ZNF735: variants seen among roughly 807,000 people sequenced by gnomAD.
ZNF735 encodes putative zinc finger protein 735.
Under a neutral mutation model 13.4 loss-of-function variants are expected in ZNF735, and 11 were observed. That is an observed-to-expected ratio of 0.82 (90% CI 0.52 to 1.36). ZNF735 has a LOEUF of 1.36. Ranked by LOEUF, ZNF735 falls within the 40% of genes most tolerant of loss-of-function variation. The pLI is 0.00. For missense variants in ZNF735, 500 were observed against 484.6 expected, an observed-to-expected ratio of 1.03 and a Z score of -0.30; for synonymous variants, 171 against 162.6, an observed-to-expected ratio of 1.05 and a Z score of -0.39.
intron 3 of ZNF735, among the ~76,000 whole-genome samples, chr7:64,217,547 C>T (rs1467487212): frequency 6.6e-6 from 1 of 151,044 alleles, no homozygotes; most frequent in Non-Finnish European, 1.5e-5. Flanking sequence ...TTTTATGTTG[C>T]TATTTTATTT....
At chr7:64,216,645 G>A (rs907745477) in intron 3 of ZNF735, among the ~76,000 whole-genome samples, 5 of 148,094 alleles carry the variant, frequency 3.4e-5, no homozygotes, top group Admixed American at 6.7e-5. Context: ...TCACTCTGTT[G>A]CCCAGACTGT....
chr7:64,213,416 T>G (rs1787383633), intron 2 of ZNF735, among the ~76,000 whole-genome samples, 198 bp downstream of exon 2: 1 of 152,166 alleles, frequency 6.6e-6, no homozygotes, highest in African/African-American at 2.4e-5. Context: ...AGCTTATGTA[T>G]CTTTTGCTCT....
At chr7:64,213,279 T>C in intron 2 of ZNF735, 61 bp downstream of exon 2, 1 of 1,502,148 alleles carries the variant, frequency 6.7e-7, no homozygotes, top group South Asian at 1.3e-5. Context: ...TCTAAGATGA[T>C]TTTGGTAATT....
exon 4 of ZNF735, chr7:64,219,992 A>C: frequency 1.9e-6 from 3 of 1,613,164 alleles, no homozygotes; most frequent in South Asian, 1.1e-5. Context: ...GCCCTCATTT[A>C]CCACAAGAGA....
exon 4 of ZNF735, chr7:64,219,939 C>T (rs780803349): frequency 6.2e-7 from 1 of 1,613,656 alleles, no homozygotes; most frequent in South Asian, 1.1e-5. Context: ...GAGAGAGACC[C>T]TACAAATGTG....
intron 1 of ZNF735, among the ~76,000 whole-genome samples, chr7:64,208,875 A>G (rs968147361): frequency 1.3e-5 from 2 of 152,158 alleles, no homozygotes; most frequent in African/African-American, 4.8e-5. Flanking sequence ...AGCTCCATCG[A>G]TGTTGCTGCA....
intron 3 of ZNF735, among the ~76,000 whole-genome samples, chr7:64,215,688 A>AT (rs570508573): frequency 3.3e-5 from 5 of 150,496 alleles, no homozygotes; most frequent in Middle Eastern, 3.4e-3. Context: ...TGTTTAAAAT[A>AT]TTTTTTGTAT....
intron 1 of ZNF735, among the ~76,000 whole-genome samples, chr7:64,210,391 G>C (rs188146869): frequency 1.3e-5 from 2 of 152,268 alleles, no homozygotes; most frequent in Admixed American, 6.5e-5. Flanking sequence ...TGCTGTGCCT[G>C]CTTTCTCTCG....
At chr7:64,213,114 T>C in exon 2 of ZNF735, 1 of 1,612,644 alleles carries the variant, frequency 6.2e-7, no homozygotes. Flanking sequence ...TTCAGAGACA[T>C]AGCTATAGAA....
chr7:64,207,586 G>A (rs1787304275), intron 1 of ZNF735, among the ~76,000 whole-genome samples: 1 of 152,228 alleles, frequency 6.6e-6, no homozygotes, highest in Non-Finnish European at 1.5e-5. Flanking sequence ...GGATTCATAA[G>A]TGGTAAGAGC....
chr7:64,214,420 T>C (rs1302264374), intron 3 of ZNF735, among the ~76,000 whole-genome samples: 1 of 152,112 alleles, frequency 6.6e-6, no homozygotes, highest in Admixed American at 6.5e-5. Context: ...CCATTGCTTT[T>C]GGGGACACAC....
chr7:64,214,547 T>G (rs1163060520), intron 3 of ZNF735, among the ~76,000 whole-genome samples: 1 of 152,206 alleles, frequency 6.6e-6, no homozygotes, highest in Non-Finnish European at 1.5e-5. Context: ...TCCATTTTTC[T>G]GTACATGCCA....
chr7:64,209,231 T>C (rs923272526), intron 1 of ZNF735, among the ~76,000 whole-genome samples: 2 of 151,974 alleles, frequency 1.3e-5, no homozygotes, highest in Non-Finnish European at 2.9e-5. Flanking sequence ...CTGTTCCGTT[T>C]TTTTTTTTTG....
intron 1 of ZNF735, among the ~76,000 whole-genome samples, chr7:64,209,933 G>A (rs1211999963): frequency 6.6e-6 from 1 of 151,940 alleles, no homozygotes; most frequent in Non-Finnish European, 1.5e-5. Flanking sequence ...TTTGGAAGCT[G>A]ATTATTCAAT....
intron 3 of ZNF735, among the ~76,000 whole-genome samples, chr7:64,218,120 T>C: frequency 6.6e-6 from 1 of 152,168 alleles, no homozygotes; most frequent in East Asian, 1.9e-4. Context: ...GCAGTGCTTA[T>C]ATGCTTTTCC....
At chr7:64,214,882 T>C (rs1787401514) in intron 3 of ZNF735, among the ~76,000 whole-genome samples, 1 of 151,968 alleles carries the variant, frequency 6.6e-6, no homozygotes, top group African/African-American at 2.4e-5. Flanking sequence ...TCAACATAGT[T>C]GGTGTTTTAA....
intron 1 of ZNF735, among the ~76,000 whole-genome samples, chr7:64,208,641 T>A (rs1329144032): frequency 6.6e-6 from 1 of 152,112 alleles, no homozygotes; most frequent in Non-Finnish European, 1.5e-5. Context: ...TCATGAAGTT[T>A]TTGTGTACAG....
chr7:64,208,252 T>TTTG (rs1787315173), intron 1 of ZNF735, among the ~76,000 whole-genome samples: 3 of 57,520 alleles, frequency 5.2e-5, no homozygotes, highest in Admixed American at 1.8e-4. Flanking sequence ...ATGTTTTTTT[T>TTTG]TTTTTTTTTT....
At chr7:64,209,702 G>A (rs904944724) in intron 1 of ZNF735, among the ~76,000 whole-genome samples, 9 of 151,974 alleles carry the variant, frequency 5.9e-5, no homozygotes, top group African/African-American at 1.5e-4. Context: ...TGACTTTTGC[G>A]AGTGTTGAAG....
Sources: gnomAD v4.1 joint callset for allele counts (sites outside exome capture counted in the v4.1 genomes callset) on GRCh38, gnomAD v4.1.1 for gene constraint, MANE v1.5 for transcripts, NCBI Gene and HGNC (gene_info 2026-07-23, HGNC 2026-07-21) for gene names.